The following TRIM2 variants were observed in gnomAD, a reference collection of about 807,000 sequenced individuals.
The protein encoded by TRIM2 is tripartite motif-containing protein 2.
In TRIM2, 20 loss-of-function variants were observed where a neutral mutation model predicts 75.2. The observed-to-expected ratio is 0.27, with a 90% confidence interval of 0.19 to 0.39. The LOEUF (loss-of-function observed/expected upper bound fraction) is 0.39, where lower values mean the gene tolerates loss of function less well. Ranked by LOEUF, TRIM2 falls within the 10% of genes least tolerant of loss-of-function variation. TRIM2 has a pLI of 1.00. For missense variants in TRIM2, 660 were observed against 990.8 expected, an observed-to-expected ratio of 0.67 and a Z score of 4.48; for synonymous variants, 373 against 388.3, an observed-to-expected ratio of 0.96 and a Z score of 0.46.
chr4:153,266,450 C>T (rs1755132318), intron 1 of TRIM2, among the ~76,000 whole-genome samples: 2 of 148,984 alleles, frequency 1.3e-5, no homozygotes, highest in African/African-American at 5.0e-5. Flanking sequence ...TCAAGCGATT[C>T]TCCTGCCACA....
At chr4:153,284,015 G>A (rs192667769) in intron 3 of TRIM2, among the ~76,000 whole-genome samples, 1 of 150,796 alleles carries the variant, frequency 6.6e-6, no homozygotes, top group African/African-American at 2.4e-5. Flanking sequence ...GATTACAGGT[G>A]CATGTCACCA....
chr4:153,188,186 G>A lies in TRIM2; in HGVS notation c.-49+34916G>A, dbSNP rs190377681. ...ATACTTGTAAGAGCGAGGGCCAGGCGCGGTGGCTCACGCCTGTAATCCTAA... is the reference window on the plus strand; with the variant it reads ...ATACTTGTAAGAGCGAGGGCCAGGCACGGTGGCTCACGCCTGTAATCCTAA... On this transcript the variant is annotated intron_variant, in intron 1 of 11. Coordinates refer to the TRIM2 transcript ENST00000437508. 5.8e-3 allele frequency among the ~76,000 whole-genome samples: 889 copies of A among 152,312 alleles called. 4 individuals are homozygous for A. Among genetic ancestry groups the A allele is most frequent in the African/African-American group, 0.02 (828 of 41,570 alleles).
chr4:153,208,695 G>A (rs1286417944), intron 1 of TRIM2, among the ~76,000 whole-genome samples: 2 of 151,988 alleles, frequency 1.3e-5, no homozygotes, highest in Non-Finnish European at 2.9e-5. Context: ...CTGCCTTATC[G>A]GGCTATGATG....
intron 1 of TRIM2, among the ~76,000 whole-genome samples, chr4:153,160,344 G>T (rs757023260): frequency 6.6e-6 from 1 of 152,174 alleles, no homozygotes; most frequent in Non-Finnish European, 1.5e-5. Flanking sequence ...AGAAATAAGC[G>T]CTTTTGAGAC....
intron 1 of TRIM2, among the ~76,000 whole-genome samples, chr4:153,242,338 A>C (rs185233944): frequency 7.2e-4 from 106 of 146,770 alleles, no homozygotes; most frequent in Admixed American, 1.8e-3. Context: ...TTTCTTTCCT[A>C]TTCCCAGGAG....
At chr4:153,303,636 T>C (rs762546721) in intron 6 of TRIM2, among the ~76,000 whole-genome samples, 7 of 152,188 alleles carry the variant, frequency 4.6e-5, no homozygotes, top group Admixed American at 1.3e-4. Flanking sequence ...CACATACACA[T>C]GTGAGATGGC....
intron 1 of TRIM2, among the ~76,000 whole-genome samples, chr4:153,184,687 GTGAT>G (rs1732414341): frequency 6.6e-6 from 1 of 152,198 alleles, no homozygotes; most frequent in Non-Finnish European, 1.5e-5. Context: ...TGTCCTTAAA[GTGAT>G]ATTCCACTGT....
rs530958868 is a variant in TRIM2, at chr4:153,337,833, C to T, written c.*2867C>T. The T allele has an allele frequency of 6.1e-6, 6 of 985,680 alleles. No individual in the cohort carries two copies. The highest frequency in any genetic ancestry group is 6.0e-6 in the Non-Finnish European group (5 of 829,932). 61.1% of individuals were successfully genotyped at this position (985,680 alleles called of 1,614,324 possible). A position where few individuals can be genotyped will look rare whatever the true frequency, so the allele number is the denominator to read the frequency against. On this transcript the variant is annotated 3_prime_UTR_variant, in exon 12 of 12. Transcript: ENST00000338700. The stretch of plus-strand genomic sequence containing the variant: ...TACTCATTCAAATTTCCCCTGGGCA[C>T]GTAAGGCAAAATATTGCCGGTTGGG...
In TRIM2 at chr4:153,259,855, G is replaced by A. The variant is rs942131433; in HGVS notation, c.31-10480G>A. ...GGACCAGAAAGTGAGAAAATAATGA[G>A]CCAAGTATTCAAATAGCATCACTGC... On this transcript the variant is annotated intron_variant, in intron 1 of 11. Coordinates refer to ENST00000338700, the MANE Select transcript of TRIM2 (RefSeq NM_015271.5). Among the ~76,000 whole-genome samples, 4 of 152,286 alleles carry A rather than the reference G, an allele frequency of 2.6e-5. No individual in the cohort carries two copies. The South Asian group carries it at 8.3e-4, about 32-fold the overall frequency.
intron 11 of TRIM2, among the ~76,000 whole-genome samples, chr4:153,334,442 G>A (rs1772180013): frequency 7.0e-6 from 1 of 143,392 alleles, no homozygotes; most frequent in African/African-American, 2.6e-5. Context: ...TGCTCAGGCT[G>A]TTCTTAAACT....
intron 1 of TRIM2, among the ~76,000 whole-genome samples, chr4:153,222,058 A>AAGAGCGAGGGAGGGAGGGAGGG (rs1740644957): frequency 1.0e-4 from 4 of 39,582 alleles, no homozygotes; most frequent in Admixed American, 7.2e-4. Flanking sequence ...GGGAGGGAGG[A>AAGAGCGAGGGAGGGAGGGAGGG]AGGAAGGAAG....
At chr4:153,244,354 CCTCTTCTTCTTCT>C (rs1748074483) in intron 1 of TRIM2, among the ~76,000 whole-genome samples, 2 of 25,650 alleles carry the variant, frequency 7.8e-5, no homozygotes, top group Middle Eastern at 0.014. Flanking sequence ...TCTTCTTCTT[CCTCTTCTTCTTCT>C]TCTTCTTCTT....
At chr4:153,157,571 G>A (rs772978665) in intron 1 of TRIM2, among the ~76,000 whole-genome samples, 2 of 152,116 alleles carry the variant, frequency 1.3e-5, no homozygotes, top group African/African-American at 4.8e-5. Flanking sequence ...CCATAGGCTC[G>A]GGCTGAGATG....
intron 1 of TRIM2, among the ~76,000 whole-genome samples, chr4:153,244,352 T>TTCC (rs1560874237): frequency 1.2e-4 from 4 of 33,178 alleles, no homozygotes; most frequent in African/African-American, 2.2e-4. Flanking sequence ...CTTCTTCTTC[T>TTCC]TCCTCTTCTT....
Position 153,275,923 on chromosome 4 carries a change from T to C in TRIM2, c.246T>C (p.Ser82=). The C allele has an allele frequency of 6.2e-7, 1 of 1,614,158 alleles. No homozygotes were observed. The part of the protein sequence containing the change: ...RCLQNYIPAH[S]LTLSCPVCRQ... The stretch of plus-strand genomic sequence containing the variant: ...TGCAGAACTACATTCCTGCCCACAG[T>C]TTAACCCTCTCCTGCCCAGTGTGCC... Residue 82 remains serine, a synonymous_variant, in exon 3 of 12, where the codon AGT becomes AGC. Coordinates refer to ENST00000338700, the MANE Select transcript of TRIM2 (RefSeq NM_015271.5).
intron 1 of TRIM2, among the ~76,000 whole-genome samples, chr4:153,259,896 G>A (rs922458802): frequency 6.6e-6 from 1 of 152,142 alleles, no homozygotes; most frequent in Non-Finnish European, 1.5e-5. Flanking sequence ...ACAGATTTCT[G>A]CTTTTAGTAT....
chr4:153,324,497 G>A (rs566894526), intron 10 of TRIM2: 98 of 199,648 alleles, frequency 4.9e-4, no homozygotes, highest in African/African-American at 2.2e-3. Context: ...TCAATTTTCC[G>A]CATCTTTTTG....
chr4:153,265,214 A>T (rs1318329120), intron 1 of TRIM2, among the ~76,000 whole-genome samples: 1 of 152,026 alleles, frequency 6.6e-6, no homozygotes, highest in African/African-American at 2.4e-5. Flanking sequence ...GCTTTTTTCA[A>T]TACCCAGCAT....
upstream of TRIM2, chr4:153,152,423 T>TAC (rs1728818472): frequency 1.4e-5 from 2 of 146,580 alleles, no homozygotes; most frequent in East Asian, 3.9e-4. Flanking sequence ...TATATATATA[T>TAC]ATATATACAC....
Sources: gnomAD v4.1 joint callset for allele counts (sites outside exome capture counted in the v4.1 genomes callset) on GRCh38, gnomAD v4.1.1 for gene constraint, MANE v1.5 for transcripts, NCBI Gene and HGNC (gene_info 2026-07-23, HGNC 2026-07-21) for gene names.